Variants in NOX4 observed in about 807,000 individuals in gnomAD.
The protein encoded by NOX4 is kidney oxidase-1.
In NOX4, 69 loss-of-function variants were observed where a neutral mutation model predicts 87.6. That is an observed-to-expected ratio of 0.79 (90% CI 0.65 to 0.96). NOX4 has a LOEUF of 0.96. Among genes scored for constraint, NOX4 ranks in the 40% least tolerant of loss-of-function variants. The probability of loss-of-function intolerance (pLI) is 0.00; values close to 1 mark genes in which losing one functional copy is unlikely to be tolerated. For missense variants in NOX4, 680 were observed against 681.5 expected (o/e 1.00, Z 0.02); for synonymous variants, 275 against 238.2 (o/e 1.15, Z -1.42).
the NOX4 span, among the ~76,000 whole-genome samples, chr11:89,587,554 A>G: frequency 1.3e-5 from 2 of 152,096 alleles, no homozygotes; most frequent in Non-Finnish European, 2.9e-5. Context: ...CCACAAAGCC[A>G]AGGGAATAAA....
intron 13 of NOX4, among the ~76,000 whole-genome samples, chr11:89,344,655 T>C (rs1037169159): frequency 3.9e-5 from 6 of 152,206 alleles, no homozygotes; most frequent in African/African-American, 1.4e-4. Context: ...AATCCAAGGT[T>C]GGTACTGAAT....
rs1945219001 is a variant in NOX4 at position 89,326,327 on chromosome 11, CA to C, written c.*428del. On this transcript the variant is annotated 3_prime_UTR_variant, in exon 18 of 18. Transcript: ENST00000263317. ...AAATTAAAGCTACTCTGTTTATACA[CA>C]ACACAGAAAATGGAATTTCAGCTTC... 6.4e-6 allele frequency: 1 copy of C among 155,554 alleles called. No homozygotes were observed. Among genetic ancestry groups the C allele is most frequent in the African/African-American group, 2.4e-5 (1 of 41,452 alleles). 9.6% of individuals were successfully genotyped at this position (155,554 alleles called of 1,614,324 possible).
the NOX4 span, among the ~76,000 whole-genome samples, chr11:89,512,152 G>A: frequency 6.6e-6 from 1 of 151,922 alleles, no homozygotes; most frequent in African/African-American, 2.4e-5. Flanking sequence ...GATATTTAAT[G>A]TGTACATTTT....
intron 2 of NOX4, among the ~76,000 whole-genome samples, chr11:89,479,237 T>C (rs1169577105): frequency 6.6e-6 from 1 of 152,064 alleles, no homozygotes; most frequent in Non-Finnish European, 1.5e-5. Context: ...AAGGAAGACA[T>C]ATTGGAAGAA....
chr11:89,541,832 A>AT, the NOX4 span, among the ~76,000 whole-genome samples: 1 of 152,160 alleles, frequency 6.6e-6, no homozygotes, highest in African/African-American at 2.4e-5. Context: ...TTATTTCTTT[A>AT]TTATTAAGAT....
At chr11:89,582,346 GA>G in the NOX4 span, among the ~76,000 whole-genome samples, 1 of 151,958 alleles carries the variant, frequency 6.6e-6, no homozygotes. Context: ...CAATGAACAT[GA>G]AAGTACAGAT....
the NOX4 span, among the ~76,000 whole-genome samples, chr11:89,588,257 G>C: frequency 6.6e-6 from 1 of 152,156 alleles, no homozygotes; most frequent in Non-Finnish European, 1.5e-5. Context: ...CAATTTTGTA[G>C]TAAATGCTAC....
At chr11:89,371,681 G>GA (rs886898997) in intron 12 of NOX4, among the ~76,000 whole-genome samples, 94 of 144,606 alleles carry the variant, frequency 6.5e-4, no homozygotes, top group Non-Finnish European at 7.6e-4. Flanking sequence ...CAAAACAGTA[G>GA]AAAAAAAAAA....
the NOX4 span, among the ~76,000 whole-genome samples, chr11:89,530,162 A>C: frequency 1.3e-5 from 2 of 151,550 alleles, no homozygotes. Context: ...ACAATATCCA[A>C]ATCCAGATTT....
chr11:89,423,891 G>A (rs574256849), intron 7 of NOX4, among the ~76,000 whole-genome samples: 6 of 151,680 alleles, frequency 4.0e-5, no homozygotes, highest in Admixed American at 2.0e-4. Context: ...TTGACCTTAC[G>A]AAAAAATAAA....
chr11:89,540,492 A>G, the NOX4 span, among the ~76,000 whole-genome samples: 1 of 151,884 alleles, frequency 6.6e-6, no homozygotes, highest in Non-Finnish European at 1.5e-5. Flanking sequence ...TTCTTTAAAA[A>G]TTTTGAAAGC....
chr11:89,502,741 C>T (rs997090712), upstream of NOX4, among the ~76,000 whole-genome samples: 1 of 151,978 alleles, frequency 6.6e-6, no homozygotes, highest in Non-Finnish European at 1.5e-5. Context: ...TATTAACATG[C>T]TAAATGTTTG....
At chr11:89,571,865 C>T in the NOX4 span, among the ~76,000 whole-genome samples, 2 of 152,082 alleles carry the variant, frequency 1.3e-5, no homozygotes, top group Non-Finnish European at 2.9e-5. Flanking sequence ...AAAGGACAGA[C>T]GGAACTCAAA....
At chr11:89,474,458 C>CAAAAAAAA (rs67342388) in intron 2 of NOX4, among the ~76,000 whole-genome samples, 7 of 97,042 alleles carry the variant, frequency 7.2e-5, no homozygotes, top group East Asian at 3.1e-4. Context: ...TCTATAATAC[C>CAAAAAAAA]AAAAAAAAAA....
At chr11:89,443,435 A>G (rs754714325) in intron 5 of NOX4, 1 of 152,174 alleles carries the variant, frequency 6.6e-6, no homozygotes, top group Non-Finnish European at 1.5e-5. Context: ...GGGACAGAAC[A>G]GTTTGTTTTT....
At chr11:89,469,435 T>C (rs544951674) in intron 2 of NOX4, among the ~76,000 whole-genome samples, 33 of 152,226 alleles carry the variant, frequency 2.2e-4, no homozygotes, top group Non-Finnish European at 4.7e-4. Context: ...TGTAAATTTG[T>C]GCTCATTGTG....
chr11:89,388,917 A>T (rs1940914618), intron 11 of NOX4, among the ~76,000 whole-genome samples: 1 of 152,222 alleles, frequency 6.6e-6, no homozygotes, highest in Non-Finnish European at 1.5e-5. Context: ...TTTTGGATTA[A>T]TATTCAGAGT....
At chr11:89,423,098 C>T (rs775269665) in intron 7 of NOX4, among the ~76,000 whole-genome samples, 7 of 151,920 alleles carry the variant, frequency 4.6e-5, no homozygotes, top group Non-Finnish European at 4.4e-5. Context: ...ATGCTTGGCC[C>T]TCTGATCCTT....
At chr11:89,572,038 C>T in the NOX4 span, among the ~76,000 whole-genome samples, 1 of 152,138 alleles carries the variant, frequency 6.6e-6, no homozygotes, top group Non-Finnish European at 1.5e-5. Context: ...CTTTTGCCTC[C>T]GCCCCCCTCA....
Sources: gnomAD v4.1 joint callset for allele counts (sites outside exome capture counted in the v4.1 genomes callset) on GRCh38, gnomAD v4.1.1 for gene constraint, MANE v1.5 for transcripts, NCBI Gene and HGNC (gene_info 2026-07-23, HGNC 2026-07-21) for gene names.